Variants in UNC13C observed in about 807,000 individuals in gnomAD.
The protein encoded by UNC13C is protein unc-13 homolog C.
A neutral mutation model predicts 245.4 loss-of-function variants in UNC13C; 174 were observed. The observed-to-expected ratio is 0.71, with a 90% CI of 0.63 to 0.80. UNC13C has a LOEUF of 0.80. Ranked by LOEUF, UNC13C falls within the 30% of genes least tolerant of loss-of-function variation. The probability of loss-of-function intolerance (pLI) is 0.00; values close to 1 mark genes in which losing one functional copy is unlikely to be tolerated. For missense variants in UNC13C, 2,829 were observed against 2,602.9 expected, an observed-to-expected ratio of 1.09 and a Z score of -1.89; for synonymous variants, 992 against 895.1, an observed-to-expected ratio of 1.11 and a Z score of -1.93.
intron 10 of UNC13C, among the ~76,000 whole-genome samples, chr15:54,280,681 TAC>T (rs2036959426): frequency 2.5e-5 from 2 of 81,340 alleles, no homozygotes; most frequent in African/African-American, 1.8e-4. Flanking sequence ...TATACATATA[TAC>T]ATATATAAAC....
At chr15:54,107,844 T>C (rs138818518) in intron 2 of UNC13C, among the ~76,000 whole-genome samples, 20 of 152,322 alleles carry the variant, frequency 1.3e-4, no homozygotes, top group African/African-American at 4.8e-4. Flanking sequence ...TCTATGATTA[T>C]GTAAGAACTA....
At chr15:53,845,897 T>C in the UNC13C span, among the ~76,000 whole-genome samples, 2 of 152,256 alleles carry the variant, frequency 1.3e-5, no homozygotes, top group South Asian at 4.2e-4. Context: ...CCGCTTAGGA[T>C]GGTTTGACTT....
chr15:54,269,714 A>G (rs2036636351), intron 10 of UNC13C, among the ~76,000 whole-genome samples: 1 of 152,176 alleles, frequency 6.6e-6, no homozygotes, highest in Non-Finnish European at 1.5e-5. Flanking sequence ...ACACAGAAGT[A>G]CACACCGGAA....
At chr15:54,377,767 A>G (rs1189675808) in intron 17 of UNC13C, among the ~76,000 whole-genome samples, 2 of 152,144 alleles carry the variant, frequency 1.3e-5, no homozygotes, top group Non-Finnish European at 2.9e-5. Context: ...AAGGGCATTA[A>G]TCCTCTTATG....
intron 30 of UNC13C, among the ~76,000 whole-genome samples, chr15:54,572,465 A>G (rs10851571): frequency 0.4 from 56,719 of 141,018 alleles, 11,424 homozygotes; most frequent in East Asian, 0.58. Flanking sequence ...TTGCTCTGTC[A>G]CCCAAGCTAG....
At chr15:54,171,097 A>G (rs901168279) in intron 4 of UNC13C, among the ~76,000 whole-genome samples, 2 of 152,290 alleles carry the variant, frequency 1.3e-5, no homozygotes, top group Admixed American at 6.5e-5. Flanking sequence ...GCTGCCCAAT[A>G]GAAATTCAGA....
At chr15:54,390,734 A>G (rs1275145482) in intron 17 of UNC13C, among the ~76,000 whole-genome samples, 3 of 152,008 alleles carry the variant, frequency 2.0e-5, no homozygotes, top group Non-Finnish European at 4.4e-5. Flanking sequence ...TTTTCCAATC[A>G]TAAGGTTAAA....
intron 28 of UNC13C, among the ~76,000 whole-genome samples, chr15:54,552,527 AATAATATAATTATATATTATATTGTATAT>A (rs1896819446): frequency 2.7e-4 from 2 of 7,508 alleles, no homozygotes; most frequent in African/African-American, 1.1e-3. Flanking sequence ...TATTATATAT[AATAATATAATTATATATTATATTGTATAT>A]AATTATATAT....
At chr15:54,354,132 C>A (rs2039043359) in intron 17 of UNC13C, among the ~76,000 whole-genome samples, 1 of 151,848 alleles carries the variant, frequency 6.6e-6, no homozygotes, top group Non-Finnish European at 1.5e-5. Context: ...GCTATTGAGT[C>A]TTGGACAAGT....
chr15:54,503,434 C>CTTT (rs35100602), intron 22 of UNC13C, among the ~76,000 whole-genome samples: 7 of 136,564 alleles, frequency 5.1e-5, no homozygotes, highest in Non-Finnish European at 8.0e-5. Flanking sequence ...TCAGCCTTTC[C>CTTT]TTTTTTTTTT....
At chr15:54,127,332 A>C (rs2031110858) in intron 2 of UNC13C, among the ~76,000 whole-genome samples, 1 of 152,182 alleles carries the variant, frequency 6.6e-6, no homozygotes, top group African/African-American at 2.4e-5. Flanking sequence ...TAGACTGGAT[A>C]AAGAAAATGT....
rs1408044682 is a variant in UNC13C at position 54,625,113 on chromosome 15, A to C, written c.6359+1159A>C. Among the ~76,000 whole-genome samples the C allele has an allele frequency of 1.4e-4, 22 of 152,146 alleles. 1 individual carries two copies. Among genetic ancestry groups the C allele is most frequent in the Admixed American group, 1.4e-3 (22 of 15,264 alleles). On this transcript the variant is annotated intron_variant, in intron 32 of 32. Transcript: ENST00000260323. ...GAAATGTATACTTGAATGTATACTT[A>C]CTTGCCTTGAAAGCAGCAGTGACAT...
At chr15:54,051,807 T>A (rs1897279980) in intron 2 of UNC13C, among the ~76,000 whole-genome samples, 1 of 150,680 alleles carries the variant, frequency 6.6e-6, no homozygotes. Context: ...CATGTGCACA[T>A]TGTGCAGGTT....
At chr15:54,272,889 ACAGT>A (rs2036724083) in intron 10 of UNC13C, among the ~76,000 whole-genome samples, 3 of 152,362 alleles carry the variant, frequency 2.0e-5, no homozygotes, top group Non-Finnish European at 4.4e-5. Flanking sequence ...GAATTAATTC[ACAGT>A]CAGTAAACTA....
At chr15:54,421,434 G>A (rs780143892) in intron 19 of UNC13C, among the ~76,000 whole-genome samples, 9 of 151,944 alleles carry the variant, frequency 5.9e-5, no homozygotes, top group Non-Finnish European at 1.3e-4. Context: ...ATGGACCCCA[G>A]GTTCAAAACT....
intron 30 of UNC13C, among the ~76,000 whole-genome samples, chr15:54,604,536 G>A (rs1162516947): frequency 1.3e-5 from 2 of 152,114 alleles, no homozygotes; most frequent in Non-Finnish European, 2.9e-5. Context: ...TAACTTTCCT[G>A]GGGAACTCCC....
the UNC13C span, among the ~76,000 whole-genome samples, chr15:53,905,354 ATATATAT>A: frequency 6.6e-6 from 1 of 151,260 alleles, no homozygotes; most frequent in East Asian, 1.9e-4. Context: ...TCATCTTTAT[ATATATAT>A]TACATCATAT....
intron 18 of UNC13C, among the ~76,000 whole-genome samples, chr15:54,397,653 T>C (rs2040097607): frequency 6.6e-6 from 1 of 151,404 alleles, no homozygotes; most frequent in Admixed American, 6.6e-5. Context: ...TTATAATCCA[T>C]TAACATGGCA....
chr15:54,157,139 G>C (rs1016206760), intron 4 of UNC13C, among the ~76,000 whole-genome samples: 10 of 152,304 alleles, frequency 6.6e-5, no homozygotes, highest in Admixed American at 2.6e-4. Context: ...ACTAAGTGAA[G>C]GTGAATAATG....
Sources: gnomAD v4.1 joint callset for allele counts (sites outside exome capture counted in the v4.1 genomes callset) on GRCh38, gnomAD v4.1.1 for gene constraint, MANE v1.5 for transcripts, NCBI Gene and HGNC (gene_info 2026-07-23, HGNC 2026-07-21) for gene names.